The following PPP5C variants were observed in gnomAD, a reference collection of about 807,000 sequenced individuals.
The protein encoded by PPP5C is serine/threonine-protein phosphatase 5.
PPP5C carries 21 observed loss-of-function variants against 66.7 expected under a neutral mutation model. The ratio of observed to expected loss-of-function variants is 0.31; its 90% confidence interval spans 0.22 to 0.45. The LOEUF (loss-of-function observed/expected upper bound fraction) is 0.45. Ranked by LOEUF, PPP5C falls within the 20% of genes least tolerant of loss-of-function variation. PPP5C has a pLI of 1.00. For missense variants in PPP5C, 464 were observed against 675.9 expected (o/e 0.69, Z 3.48); for synonymous variants, 246 against 257.4 (o/e 0.96, Z 0.43).
At position 46,353,940 on chromosome 19, in the gene PPP5C, G is replaced by A; in HGVS notation, c.314G>A (p.Ser105Asn). The change falls in exon 2 of 13, where the codon AGC becomes AAC. Residue 105 changes from serine (S) to asparagine (N), a missense_variant. Physicochemically the swap from Ser to Asn is conservative, Grantham distance 46 (BLOSUM62 1). This residue lies in a region of PPP5C where 387 missense variants were observed against 626.0 expected (regional missense o/e 0.62). Coordinates refer to ENST00000012443, the MANE Select transcript of PPP5C (RefSeq NM_006247.4). Reference sequence around the variant, plus strand: ...AAGGGTTATTACCGCCGGGCTGCCAGCAACATGGCACTGGGCAAGTTCCGG... The same window carrying A: ...AAGGGTTATTACCGCCGGGCTGCCAACAACATGGCACTGGGCAAGTTCCGG... Reference protein sequence around the residue: ...YIKGYYRRAASNMALGKFRAA... With the variant: ...YIKGYYRRAANNMALGKFRAA... 1 of 1,608,660 alleles carries A rather than the reference G, an allele frequency of 6.2e-7. No homozygotes were observed. The highest frequency in any genetic ancestry group is 8.5e-7 in the Non-Finnish European group (1 of 1,178,120).
chr19:46,362,440 A>G (rs1463870387), intron 2 of PPP5C, among the ~76,000 whole-genome samples: 1 of 152,210 alleles, frequency 6.6e-6, no homozygotes, highest in Non-Finnish European at 1.5e-5. Context: ...TAGATATTCA[A>G]TGAATATTTG....
chr19:46,390,600 G>A lies in PPP5C; in HGVS notation c.*254G>A. 1 of 1,372,472 alleles carries A rather than the reference G, an allele frequency of 7.3e-7. No individual in the cohort carries two copies. The highest frequency in any genetic ancestry group is 2.8e-4 in the Middle Eastern group (1 of 3,564). The allele number at this position is 1,372,472 out of a possible 1,614,324, so 85.0% of individuals were successfully genotyped here. A position where few individuals can be genotyped will look rare whatever the true frequency, so the allele number is the denominator to read the frequency against. The stretch of plus-strand genomic sequence containing the variant: ...GCTGGGGGCACAGCCTGGGCATTCT[G>A]TGGGGAGGCCGTCCTCGGGGTGGGG... On this transcript the variant is annotated 3_prime_UTR_variant, in exon 13 of 13. Coordinates refer to ENST00000012443, the MANE Select transcript of PPP5C (RefSeq NM_006247.4).
chr19:46,367,397 T>A (rs1286692372), intron 2 of PPP5C, among the ~76,000 whole-genome samples: 2 of 152,188 alleles, frequency 1.3e-5, no homozygotes, highest in Non-Finnish European at 2.9e-5. Flanking sequence ...CATGTAATGT[T>A]GCTGCTTGGG....
intron 2 of PPP5C, 90 bp from the exon 3 acceptor site, chr19:46,375,514 C>T: frequency 1.3e-6 from 2 of 1,538,454 alleles, no homozygotes; most frequent in Non-Finnish European, 1.8e-6. Context: ...CTGACTTCCA[C>T]TTTCATGGAA....
Position 46,376,557 on chromosome 19 carries a change from C to G in PPP5C, c.616C>G (p.Arg206Gly). The change falls in exon 4 of 13, where the codon CGG (arginine) becomes GGG (glycine). Residue 206 changes from arginine (R) to glycine (G), a missense_variant. Transcript: ENST00000012443. This position sits in a 1 kb window ranked among gnomAD's most constrained non-coding sequence, Gnocchi z 5.1. ...GTACAAGGACCAGAAGAAACTGCAC[C>G]GGAAATGTGCCTACCAGGTAATGCA... ...QWYKDQKKLH[R>G]KCAYQILVQV... The G allele has an allele frequency of 6.2e-7, 1 of 1,613,662 alleles. No individual in the cohort carries two copies.
chr19:46,350,044 G>C (rs1170533945), intron 1 of PPP5C, among the ~76,000 whole-genome samples: 2 of 151,860 alleles, frequency 1.3e-5, no homozygotes, highest in Non-Finnish European at 2.9e-5. Flanking sequence ...GTGGGGCTCT[G>C]GGGAGCCCTG....
rs10414389 is a variant in PPP5C, at chr19:46,353,604, G to A, written c.122-144G>A. 3.0e-3 allele frequency: 3,738 copies of A among 1,248,006 alleles called. 74 individuals are homozygous for A. In the African/African-American group the frequency reaches 0.048, roughly 16 times the overall value. The allele number at this position is 1,248,006 out of a possible 1,614,324, so 77.3% of individuals were successfully genotyped here. ...GCTAGGTTGGTTGGGACAGGCAGGA[G>A]GGGCAGGCTGAAGAGATGTCTCTGG... On this transcript the variant is annotated intron_variant, in intron 1 of 12. Coordinates refer to ENST00000012443, the MANE Select transcript of PPP5C (RefSeq NM_006247.4).
At chr19:46,348,399 C>T (rs1972123971) in intron 1 of PPP5C, among the ~76,000 whole-genome samples, 1 of 151,208 alleles carries the variant, frequency 6.6e-6, no homozygotes, top group Admixed American at 6.6e-5. Context: ...CTGCAACCTC[C>T]GCCTCCCTGG....
intron 1 of PPP5C, among the ~76,000 whole-genome samples, chr19:46,352,298 G>A (rs1972200789): frequency 6.6e-6 from 1 of 152,186 alleles, no homozygotes; most frequent in Admixed American, 6.5e-5. Flanking sequence ...GGGAGTGAGG[G>A]TGGGGACTCT....
At chr19:46,356,569 A>C (rs1479171661) in intron 2 of PPP5C, among the ~76,000 whole-genome samples, 1 of 152,132 alleles carries the variant, frequency 6.6e-6, no homozygotes, top group Non-Finnish European at 1.5e-5. Flanking sequence ...CTGAATTCAG[A>C]CTGAGGCCTA....
chr19:46,363,005 T>A (rs1286336411), intron 2 of PPP5C, among the ~76,000 whole-genome samples: 11 of 150,770 alleles, frequency 7.3e-5, no homozygotes, highest in African/African-American at 2.7e-4. Flanking sequence ...GCCAGGATGG[T>A]CTCGATCTCC....
At chr19:46,379,457 G>C (rs1972752962) in intron 4 of PPP5C, among the ~76,000 whole-genome samples, 1 of 152,178 alleles carries the variant, frequency 6.6e-6, no homozygotes, top group African/African-American at 2.4e-5. Context: ...TAAAGTGCTG[G>C]AATTACAGGT....
At chr19:46,373,998 G>A (rs10406400) in intron 2 of PPP5C, among the ~76,000 whole-genome samples, 39,597 of 152,134 alleles carry the variant, frequency 0.26, 5,223 homozygotes, top group Middle Eastern at 0.28. Context: ...AGCCGCATGG[G>A]CCAGGCCACA....
chr19:46,351,267 G>A (rs1972179050), intron 1 of PPP5C, among the ~76,000 whole-genome samples: 1 of 152,112 alleles, frequency 6.6e-6, no homozygotes, highest in Non-Finnish European at 1.5e-5. Context: ...TCTAAAATGG[G>A]GAATGTCTTG....
Position 46,389,452 on chromosome 19 carries a change from CACACACACAG to C in PPP5C, c.1356-598_1356-589del, listed in dbSNP as rs1601449570. On this transcript the variant is annotated intron_variant, in intron 11 of 12. Coordinates refer to ENST00000012443, the MANE Select transcript of PPP5C (RefSeq NM_006247.4). ...ACACACACACACACACACACACACA[CACACACACAG>C]TGTTGATCCCTTGCCCCCACCCGAA... is the stretch of plus-strand genomic sequence containing the variant. Among the ~76,000 whole-genome samples the C allele has an allele frequency of 7.4e-5, 9 of 122,096 alleles. 1 individual carries two copies. Among genetic ancestry groups the C allele is most frequent in the African/African-American group, 3.2e-4 (9 of 28,284 alleles). The allele number at this position is 122,096 out of a possible 152,430, so 80.1% of individuals were successfully genotyped here.
intron 1 of PPP5C, among the ~76,000 whole-genome samples, chr19:46,352,717 G>A (rs1350625704): frequency 2.0e-5 from 3 of 152,116 alleles, no homozygotes; most frequent in African/African-American, 4.8e-5. Context: ...CTGCTCGGGG[G>A]GCTAAGGCTG....
intron 2 of PPP5C, among the ~76,000 whole-genome samples, chr19:46,358,686 T>TA (rs1972329102): frequency 6.6e-6 from 1 of 152,180 alleles, no homozygotes; most frequent in African/African-American, 2.4e-5. Flanking sequence ...AGAGAACAGA[T>TA]AAGCTCAAGC....
In PPP5C at chr19:46,376,475, A is replaced by T; in HGVS notation, c.534A>T (p.Gly178=). The part of the protein sequence containing the change: ...ESMTIEDEYS[G]PKLEDGKVTI... Reference sequence around the variant, plus strand: ...TAGCCATTGAGGATGAGTACAGCGGACCCAAGCTTGAAGACGGCAAAGTGA... The same window carrying T: ...TAGCCATTGAGGATGAGTACAGCGGTCCCAAGCTTGAAGACGGCAAAGTGA... Residue 178 remains glycine (G), a synonymous_variant, in exon 4 of 13, where the codon GGA becomes GGT. Transcript: ENST00000012443. The surrounding 1 kb of genome is among the most constrained non-coding windows in gnomAD (Gnocchi z 5.1). 1 of 1,613,722 alleles carries T rather than the reference A, an allele frequency of 6.2e-7. No individual in the cohort carries two copies.
At chr19:46,378,913 C>T (rs953573861) in intron 4 of PPP5C, among the ~76,000 whole-genome samples, 3 of 148,098 alleles carry the variant, frequency 2.0e-5, no homozygotes, top group Non-Finnish European at 4.5e-5. Flanking sequence ...GGTGGAATTT[C>T]GCTCTTGTTG....
Sources: gnomAD v4.1 joint callset for allele counts (sites outside exome capture counted in the v4.1 genomes callset) on GRCh38, gnomAD v4.1.1 for gene constraint, gnomAD v4.1.1 regional missense constraint, Gnocchi (gnomAD v3.1) non-coding constraint, MANE v1.5 for transcripts, NCBI Gene and HGNC (gene_info 2026-07-23, HGNC 2026-07-21) for gene names.